OSBPL3: variants seen among roughly 807,000 people sequenced by gnomAD.
OSBPL3 encodes the protein oxysterol binding protein like 3.
In OSBPL3, 65 loss-of-function variants were observed where a neutral mutation model predicts 120.1. The ratio of observed to expected loss-of-function variants is 0.54; its 90% confidence interval spans 0.44 to 0.67. The LOEUF (loss-of-function observed/expected upper bound fraction) is 0.67, where lower values mean the gene tolerates loss of function less well. Ranked by LOEUF, OSBPL3 falls within the 30% of genes least tolerant of loss-of-function variation. The probability of loss-of-function intolerance (pLI) is 0.00; values close to 1 mark genes in which losing one functional copy is unlikely to be tolerated. For synonymous variants in OSBPL3, 416 were observed against 402.6 expected, an observed-to-expected ratio of 1.03 and a Z score of -0.40; for missense variants, 1,004 against 1,082.1, an observed-to-expected ratio of 0.93 and a Z score of 1.01.
At chr7:24,908,805 C>A (rs12216670) in intron 1 of OSBPL3, among the ~76,000 whole-genome samples, 11,551 of 152,268 alleles carry the variant, frequency 0.076, 467 homozygotes, top group South Asian at 0.12. Context: ...CGGTTGTTCT[C>A]TAGCCAATCA....
Position 24,820,164 on chromosome 7 carries a change from T to G in OSBPL3, c.1948+11A>C. The G allele has an allele frequency of 6.4e-7, 1 of 1,569,942 alleles. No individual in the cohort carries two copies. Among genetic ancestry groups the G allele is most frequent in the Non-Finnish European group, 8.8e-7 (1 of 1,141,058 alleles). On this transcript the variant is annotated intron_variant, in intron 17 of 22. Coordinates refer to ENST00000313367, the MANE Select transcript of OSBPL3 (RefSeq NM_015550.4). This position sits in a 1 kb window ranked among gnomAD's most constrained non-coding sequence, Gnocchi z 4.6. ...ACAATATGATGGAAGTAAAATGTATTAGCACATTACCTTGCCAGAAAACAA... is the reference window on the plus strand; with the variant it reads ...ACAATATGATGGAAGTAAAATGTATGAGCACATTACCTTGCCAGAAAACAA...
upstream of OSBPL3, among the ~76,000 whole-genome samples, chr7:24,980,987 C>G (rs1169643752): frequency 6.6e-6 from 1 of 152,002 alleles, no homozygotes; most frequent in African/African-American, 2.4e-5. Flanking sequence ...GCAAATGTGT[C>G]GAGTGCCGCA....
chr7:24,880,090 G>T (rs1488237650), intron 2 of OSBPL3, among the ~76,000 whole-genome samples: 1 of 152,132 alleles, frequency 6.6e-6, no homozygotes, highest in Non-Finnish European at 1.5e-5. Context: ...TGGTGATGGG[G>T]TTTTTATAGT....
rs1796746405 is a variant in OSBPL3, at chr7:24,834,424, T to C, written c.1746+62A>G. 6.4e-7 allele frequency: 1 copy of C among 1,558,958 alleles called. No homozygotes were observed. The highest frequency in any genetic ancestry group is 2.3e-5 in the East Asian group (1 of 44,266). On this transcript the variant is annotated intron_variant, in intron 15 of 22. Transcript: ENST00000313367. The surrounding 1 kb of genome is among the most constrained non-coding windows in gnomAD (Gnocchi z 5.2). ...GGGGCTGTCTCTCTGATGGGCCCCG[T>C]GAATGGCCTCGTGGCTTGGGGACCG...
chr7:24,971,274 C>T (rs1215721887), intron 1 of OSBPL3, among the ~76,000 whole-genome samples: 1 of 152,238 alleles, frequency 6.6e-6, no homozygotes, highest in Admixed American at 6.5e-5. Context: ...AACTACTTCG[C>T]CCTCTCTAAG....
intron 10 of OSBPL3, among the ~76,000 whole-genome samples, chr7:24,858,722 A>C (rs947325172): frequency 6.6e-6 from 1 of 152,212 alleles, no homozygotes; most frequent in African/African-American, 2.4e-5. Context: ...TGGGAAAGAC[A>C]GAACTGCTGG....
At position 24,815,086 on chromosome 7, in the gene OSBPL3, G is replaced by C; in HGVS notation, c.2145C>G (p.Ser715=). 1 of 1,613,910 alleles carries C rather than the reference G, an allele frequency of 6.2e-7. No homozygotes were observed. The highest frequency in any genetic ancestry group is 1.3e-5 in the African/African-American group (1 of 75,054). ...EIVIKNLHDD[S]CYCKVNFIKA... ...TTATAAAATTCACTTTGCAGTAGCA[G>C]GAATCATCATGCAGGTTCTTGATGA... The change falls in exon 19 of 23, where the codon TCC becomes TCG. Residue 715 remains serine (S), a synonymous_variant. Transcript: ENST00000313367. The surrounding 1 kb of genome is among the most constrained non-coding windows in gnomAD (Gnocchi z 5.1).
Position 24,976,018 on chromosome 7 carries a change from G to A in OSBPL3, c.-150+3868C>T, listed in dbSNP as rs529826151. On this transcript the variant is annotated intron_variant, in intron 1 of 22. Coordinates refer to ENST00000313367, the MANE Select transcript of OSBPL3 (RefSeq NM_015550.4). ...TAGGATGAGGCCAAAGCTGAGCCCA[G>A]TCTGCTGGATCGTGACTTTAGGCTA... Among the ~76,000 whole-genome samples, 3 of 152,332 alleles carry A rather than the reference G, an allele frequency of 2.0e-5. No homozygotes were observed. The South Asian group carries it at 6.2e-4, about 32-fold the overall frequency.
At chr7:24,836,312 A>C (rs1796990929) in intron 14 of OSBPL3, among the ~76,000 whole-genome samples, 1 of 152,152 alleles carries the variant, frequency 6.6e-6, no homozygotes, top group African/African-American at 2.4e-5. Flanking sequence ...ATTTCTGTCA[A>C]ATTGTCAGGT....
In OSBPL3 at chr7:24,820,255, A is replaced by C; in HGVS notation, c.1885-17T>G. 1 of 1,593,300 alleles carries C rather than the reference A, an allele frequency of 6.3e-7. No homozygotes were observed. The highest frequency in any genetic ancestry group is 8.6e-7 in the Non-Finnish European group (1 of 1,163,160). Reference sequence around the variant, plus strand: ...GTGGCTGACCTGATGGAAACAAAGGACAGAAAAACAAAAAATGAATGAACT... The same window carrying C: ...GTGGCTGACCTGATGGAAACAAAGGCCAGAAAAACAAAAAATGAATGAACT... On this transcript the variant is annotated splice_polypyrimidine_tract_variant and intron_variant, in intron 16 of 22. Coordinates refer to ENST00000313367, the MANE Select transcript of OSBPL3 (RefSeq NM_015550.4). The surrounding 1 kb of genome is among the most constrained non-coding windows in gnomAD (Gnocchi z 4.6).
intron 14 of OSBPL3, among the ~76,000 whole-genome samples, chr7:24,836,195 G>T (rs1259705826): frequency 1.3e-5 from 2 of 152,152 alleles, no homozygotes; most frequent in South Asian, 2.1e-4. Flanking sequence ...TGATTCACAT[G>T]ATCAGACTGC....
chr7:24,878,986 C>T (rs909625386), intron 2 of OSBPL3, among the ~76,000 whole-genome samples: 1 of 152,120 alleles, frequency 6.6e-6, no homozygotes, highest in Non-Finnish European at 1.5e-5. Context: ...AATCTGAAGG[C>T]AAAACCAGGA....
At position 24,964,884 on chromosome 7, in the gene OSBPL3, T is replaced by G. The variant is rs957152277; in HGVS notation, c.-150+15002A>C. On this transcript the variant is annotated intron_variant, in intron 1 of 22. Coordinates refer to ENST00000313367, the MANE Select transcript of OSBPL3 (RefSeq NM_015550.4). The surrounding 1 kb of genome is among the most constrained non-coding windows in gnomAD (Gnocchi z 4.2). Reference sequence around the variant, plus strand: ...TGTTGGGGGCTGTGATTAAAATAAGTAAAGTTGGACAAACATTGAGCAATA... The same window carrying G: ...TGTTGGGGGCTGTGATTAAAATAAGGAAAGTTGGACAAACATTGAGCAATA... 6.6e-6 allele frequency among the ~76,000 whole-genome samples: 1 copy of G among 152,206 alleles called. No homozygotes were observed. Among genetic ancestry groups the G allele is most frequent in the Non-Finnish European group, 1.5e-5 (1 of 68,038 alleles).
rs569530339 is a variant in OSBPL3, at chr7:24,863,086, A to G, written c.870+114T>C. 1 of 740,354 alleles carries G rather than the reference A, an allele frequency of 1.4e-6. No individual in the cohort carries two copies. The highest frequency in any genetic ancestry group is 2.4e-6 in the Non-Finnish European group (1 of 411,662). 45.9% of individuals were successfully genotyped at this position (740,354 alleles called of 1,614,324 possible). On this transcript the variant is annotated intron_variant, in intron 9 of 22. Transcript: ENST00000313367. This position sits in a 1 kb window ranked among gnomAD's most constrained non-coding sequence, Gnocchi z 5.8. The stretch of plus-strand genomic sequence containing the variant: ...GCTACAGAGGACACTGGAAAGAACA[A>G]CTACAGAATATTCACTCATCTATTC...
intron 1 of OSBPL3, among the ~76,000 whole-genome samples, chr7:24,958,910 T>A (rs766658332): frequency 2.6e-5 from 4 of 152,214 alleles, no homozygotes; most frequent in Non-Finnish European, 5.9e-5. Context: ...ATCTTTTCTC[T>A]AAGTTTTTTG....
At chr7:24,905,652 A>G (rs1410920749) in intron 1 of OSBPL3, among the ~76,000 whole-genome samples, 3 of 152,202 alleles carry the variant, frequency 2.0e-5, no homozygotes, top group African/African-American at 7.2e-5. Flanking sequence ...GCTAAGAGTC[A>G]TGACTCCATA....
rs1799089604 is a variant in OSBPL3 at position 24,851,063 on chromosome 7, G to C, written c.1158+1441C>G. ...CAAACAGGCAGATTGACAAGATGAG[G>C]CCAGGCCTCTGTGGGAGGAGGCAGG... On this transcript the variant is annotated intron_variant, in intron 11 of 22. Transcript: ENST00000313367. The surrounding 1 kb of genome is among the most constrained non-coding windows in gnomAD (Gnocchi z 4.1). Among the ~76,000 whole-genome samples, 1 of 152,186 alleles carries C rather than the reference G, an allele frequency of 6.6e-6. No individual in the cohort carries two copies. The highest frequency in any genetic ancestry group is 1.5e-5 in the Non-Finnish European group (1 of 68,034).
At position 24,879,323 on chromosome 7, in the gene OSBPL3, G is replaced by GA. The variant is rs1314792228; in HGVS notation, c.97-7255dup. 6.6e-6 allele frequency among the ~76,000 whole-genome samples: 1 copy of GA among 152,334 alleles called. No individual in the cohort carries two copies. Among genetic ancestry groups the GA allele is most frequent in the East Asian group, 1.9e-4 (1 of 5,188 alleles). On this transcript the variant is annotated intron_variant, in intron 2 of 22. Transcript: ENST00000313367. This position sits in a 1 kb window ranked among gnomAD's most constrained non-coding sequence, Gnocchi z 5.6. ...TTGGGATCTAAGTGAGAAGATTAAAGAAAACAGGAGACTGAGCAATGAAGC... is the reference window on the plus strand; with the variant it reads ...TTGGGATCTAAGTGAGAAGATTAAAGAAAAACAGGAGACTGAGCAATGAAGC...
At position 24,918,236 on chromosome 7, in the gene OSBPL3, A is replaced by T. The variant is rs144186566; in HGVS notation, c.-149-25615T>A. On this transcript the variant is annotated intron_variant, in intron 1 of 22. Transcript: ENST00000313367. This position sits in a 1 kb window ranked among gnomAD's most constrained non-coding sequence, Gnocchi z 4.3. ...ACATAAACACCATAGCAATGTTCAG[A>T]AGCTGGCAGTGTGCTTTCCTACTTG... 1 of 182,562 alleles carries T rather than the reference A, an allele frequency of 5.5e-6. No homozygotes were observed. The highest frequency in any genetic ancestry group is 1.9e-4 in the East Asian group (1 of 5,318). The allele number at this position is 182,562 out of a possible 1,614,324, so 11.3% of individuals were successfully genotyped here.
Sources: gnomAD v4.1 joint callset for allele counts (sites outside exome capture counted in the v4.1 genomes callset) on GRCh38, gnomAD v4.1.1 for gene constraint, Gnocchi (gnomAD v3.1) non-coding constraint, MANE v1.5 for transcripts, NCBI Gene and HGNC (gene_info 2026-07-23, HGNC 2026-07-21) for gene names.